The following EIF4G3 variants were observed in gnomAD, a reference collection of about 807,000 sequenced individuals.
The protein encoded by EIF4G3 is eukaryotic translation initiation factor 4 gamma 3, also known as eIF-4-gamma 3.
A neutral mutation model predicts 186.4 loss-of-function variants in EIF4G3; 34 were observed. That is an observed-to-expected ratio of 0.18 (90% confidence interval 0.14 to 0.24). The LOEUF is 0.24. Ranked by LOEUF, EIF4G3 falls within the 10% of genes least tolerant of loss-of-function variation. The pLI, the probability that EIF4G3 is intolerant of heterozygous loss-of-function variation, is 1.00. For missense variants in EIF4G3, 1,536 were observed against 1,948.5 expected, an observed-to-expected ratio of 0.79 and a Z score of 3.99; for synonymous variants, 673 against 679.5, an observed-to-expected ratio of 0.99 and a Z score of 0.15.
intron 19 of EIF4G3, among the ~76,000 whole-genome samples, chr1:20,880,646 G>A (rs1467605974): frequency 6.6e-6 from 1 of 152,194 alleles, no homozygotes; most frequent in African/African-American, 2.4e-5. Context: ...AGCTACTCGG[G>A]AGGCTGAGGC....
chr1:21,035,476 C>T (rs1465258676), intron 4 of EIF4G3, among the ~76,000 whole-genome samples: 1 of 152,178 alleles, frequency 6.6e-6, no homozygotes, highest in Non-Finnish European at 1.5e-5. Context: ...GGTGTCTGCT[C>T]CTGCTGCCTG....
chr1:20,883,276 T>C (rs4654881), intron 19 of EIF4G3, among the ~76,000 whole-genome samples: 84,109 of 151,686 alleles, frequency 0.55, 23,660 homozygotes, highest in East Asian at 0.83. Context: ...AGGGGAATAG[T>C]TTAGGTACAT....
chr1:21,098,399 C>A (rs2096431092), intron 2 of EIF4G3, among the ~76,000 whole-genome samples: 1 of 151,574 alleles, frequency 6.6e-6, no homozygotes, highest in Admixed American at 6.6e-5. Flanking sequence ...AAAAATTAGG[C>A]AGGCATGTTA....
rs1433682981 is a variant in EIF4G3, at chr1:21,121,369, A to G, written c.-271-32156T>C. 3.9e-5 allele frequency among the ~76,000 whole-genome samples: 6 copies of G among 152,248 alleles called. No homozygotes were observed. The South Asian group carries it at 8.3e-4, about 21-fold the overall frequency. On this transcript the variant is annotated intron_variant, in intron 2 of 36. Coordinates refer to ENST00000602326, the MANE Select transcript of EIF4G3 (RefSeq NM_001391906.1). Reference sequence around the variant, plus strand: ...AAGCAGAGTTTGTAGTGTAATTTCAAAAGTTTAAAATAAATACATGTATAT... The same window carrying G: ...AAGCAGAGTTTGTAGTGTAATTTCAGAAGTTTAAAATAAATACATGTATAT...
At position 20,982,451 on chromosome 1, in the gene EIF4G3, G is replaced by A. The variant is rs928910530; in HGVS notation, c.178-43C>T. 5 of 1,505,914 alleles carry A rather than the reference G, an allele frequency of 3.3e-6. No individual in the cohort carries two copies. The African/African-American group carries it at 4.2e-5, about 13-fold the overall frequency. 93.3% of individuals were successfully genotyped at this position (1,505,914 alleles called of 1,614,324 possible). A position where few individuals can be genotyped will look rare whatever the true frequency, so the allele number is the denominator to read the frequency against. On this transcript the variant is annotated intron_variant, in intron 7 of 36. Transcript: ENST00000602326. ...GAAAGCAGCAGGAAACAGAAAGAAA[G>A]CCAATGGAAAAGCTTACAGATCAGT...
At chr1:21,043,023 G>A (rs957871065) in intron 4 of EIF4G3, among the ~76,000 whole-genome samples, 1 of 152,176 alleles carries the variant, frequency 6.6e-6, no homozygotes. Flanking sequence ...CCCCAAATCT[G>A]TGGGAAATAA....
At chr1:21,042,921 T>C (rs1199892200) in intron 4 of EIF4G3, among the ~76,000 whole-genome samples, 2 of 152,258 alleles carry the variant, frequency 1.3e-5, no homozygotes, top group Non-Finnish European at 1.5e-5. Context: ...GCAGCTGAAC[T>C]GAATTAGCAA....
rs1450688304 is a variant in EIF4G3, at chr1:20,990,207, T to C, written c.177+7394A>G. 2.7e-5 allele frequency among the ~76,000 whole-genome samples: 4 copies of C among 147,000 alleles called. No homozygotes were observed. In the East Asian group the frequency reaches 8.3e-4, roughly 31 times the overall value. ...ACAAATAAATTAAAAAAAAGAAGAG[T>C]CCATCAATGTGACAAACTTTGTCTT... is the stretch of plus-strand genomic sequence containing the variant. On this transcript the variant is annotated intron_variant, in intron 7 of 36. Coordinates refer to ENST00000602326, the MANE Select transcript of EIF4G3 (RefSeq NM_001391906.1).
intron 3 of EIF4G3, among the ~76,000 whole-genome samples, chr1:21,053,438 G>A (rs1178198311): frequency 2.7e-5 from 4 of 149,870 alleles, no homozygotes; most frequent in East Asian, 2.0e-4. Context: ...CCCACCCCCC[G>A]GCCAGCCGCC....
At chr1:20,822,351 C>A (rs994388009) in intron 33 of EIF4G3, among the ~76,000 whole-genome samples, 2 of 133,420 alleles carry the variant, frequency 1.5e-5, no homozygotes, top group African/African-American at 5.3e-5. Context: ...TCTCAAAGAA[C>A]CAGCTTTTTT....
intron 2 of EIF4G3, among the ~76,000 whole-genome samples, chr1:21,157,057 C>CA (rs2097674710): frequency 6.6e-6 from 1 of 152,020 alleles, no homozygotes; most frequent in Admixed American, 6.6e-5. Flanking sequence ...GACCCTATCT[C>CA]AAAAAATAAT....
At chr1:20,956,617 CAAAAA>C (rs61623629) in intron 12 of EIF4G3, among the ~76,000 whole-genome samples, 20 of 114,578 alleles carry the variant, frequency 1.7e-4, no homozygotes, top group African/African-American at 5.0e-4. Flanking sequence ...GTATAATTTA[CAAAAA>C]AAAAAAAAAA....
At chr1:20,891,637 A>T (rs1189217423) in intron 18 of EIF4G3, among the ~76,000 whole-genome samples, 3 of 136,524 alleles carry the variant, frequency 2.2e-5, no homozygotes, top group African/African-American at 8.0e-5. Context: ...AAAAAAAAAA[A>T]TTAGCTGGGC....
At chr1:21,089,345 A>T (rs765017034) in intron 2 of EIF4G3, 132 bp from the exon 3 acceptor site, 1 of 600,388 alleles carries the variant, frequency 1.7e-6, no homozygotes, top group Non-Finnish European at 3.0e-6. Context: ...TTCTCCACTA[A>T]AACTAAAAAC....
At chr1:20,985,329 T>C (rs1357291424) in intron 7 of EIF4G3, among the ~76,000 whole-genome samples, 4 of 152,180 alleles carry the variant, frequency 2.6e-5, no homozygotes, top group Non-Finnish European at 5.9e-5. Context: ...AACTTGTTCA[T>C]ATGCTAAAAG....
intron 14 of EIF4G3, among the ~76,000 whole-genome samples, chr1:20,926,361 A>G (rs752391507): frequency 6.6e-6 from 1 of 152,230 alleles, no homozygotes; most frequent in African/African-American, 2.4e-5. Flanking sequence ...AATAGCAAGC[A>G]TTTAATCAAT....
At chr1:20,848,174 C>T (rs1239297102) in intron 29 of EIF4G3, among the ~76,000 whole-genome samples, 1 of 151,984 alleles carries the variant, frequency 6.6e-6, no homozygotes, top group Non-Finnish European at 1.5e-5. Flanking sequence ...ATCATGTTGC[C>T]CAGGCTGGTC....
At chr1:21,101,001 C>T (rs2096505327) in intron 2 of EIF4G3, among the ~76,000 whole-genome samples, 1 of 152,150 alleles carries the variant, frequency 6.6e-6, no homozygotes. Context: ...TCCTTCTCCA[C>T]AGCCAATAAA....
intron 3 of EIF4G3, among the ~76,000 whole-genome samples, chr1:21,079,713 T>C (rs1431272365): frequency 6.7e-6 from 1 of 149,098 alleles, no homozygotes; most frequent in Non-Finnish European, 1.5e-5. Context: ...ACTCATGAAA[T>C]TTTATGGCAT....
Sources: gnomAD v4.1 joint callset for allele counts (sites outside exome capture counted in the v4.1 genomes callset) on GRCh38, gnomAD v4.1.1 for gene constraint, MANE v1.5 for transcripts, NCBI Gene and HGNC (gene_info 2026-07-23, HGNC 2026-07-21) for gene names.